Variants in GRIK1 observed in about 807,000 individuals in gnomAD.
GRIK1 encodes glutamate ionotropic receptor kainate type subunit 1, also known as glutamate receptor ionotropic, kainate 1.
In GRIK1, 69 loss-of-function variants were observed where a neutral mutation model predicts 105.7. The ratio of observed to expected loss-of-function variants is 0.65; its 90% CI spans 0.54 to 0.80. The LOEUF (loss-of-function observed/expected upper bound fraction) is 0.80, where lower values mean the gene tolerates loss of function less well. Among genes scored for constraint, GRIK1 ranks in the 30% least tolerant of loss-of-function variants. The probability of loss-of-function intolerance (pLI) is 0.00; values close to 1 mark genes in which losing one functional copy is unlikely to be tolerated. For missense variants in GRIK1, 1,109 were observed against 1,167.3 expected, an observed-to-expected ratio of 0.95 and a Z score of 0.73; for synonymous variants, 438 against 431.3, an observed-to-expected ratio of 1.02 and a Z score of -0.19.
At chr21:29,902,992 T>C (rs2070465863) in intron 1 of GRIK1, among the ~76,000 whole-genome samples, 1 of 152,064 alleles carries the variant, frequency 6.6e-6, no homozygotes, top group Non-Finnish European at 1.5e-5. Flanking sequence ...TATACAACCA[T>C]CTGATCTTTG....
chr21:29,693,993 G>A lies in GRIK1; in HGVS notation c.189C>T (p.Thr63=), dbSNP rs980994358. 6.2e-7 allele frequency: 1 copy of A among 1,610,680 alleles called. No homozygotes were observed. Among genetic ancestry groups the A allele is most frequent in the African/African-American group, 1.3e-5 (1 of 74,820 alleles). ...TCAGGGTTCGGTTTCTGTTAATGCT[G>A]GTGACTGCAAACTTGAAAGCTAATT... ...VEELAFKFAV[T]SINRNRTLMP... The change falls in exon 2 of 18, where the codon ACC becomes ACT. Residue 63 remains threonine, a synonymous_variant. Transcript: ENST00000327783.
At chr21:29,924,694 A>G (rs2071301316) in intron 1 of GRIK1, among the ~76,000 whole-genome samples, 1 of 152,042 alleles carries the variant, frequency 6.6e-6, no homozygotes, top group Admixed American at 6.5e-5. Context: ...GACTCTTGTC[A>G]TTATTTAAAA....
intron 1 of GRIK1, among the ~76,000 whole-genome samples, chr21:29,894,663 A>G (rs1391966407): frequency 6.6e-6 from 1 of 152,172 alleles, no homozygotes; most frequent in East Asian, 1.9e-4. Context: ...GACATTCAGT[A>G]TCAACCATCA....
chr21:29,814,510 G>A (rs916088947), intron 1 of GRIK1, among the ~76,000 whole-genome samples: 7 of 152,102 alleles, frequency 4.6e-5, no homozygotes, highest in South Asian at 2.1e-4. Flanking sequence ...TGGCAGCATC[G>A]TAGATCACAG....
chr21:29,918,491 G>T (rs57109019), intron 1 of GRIK1, among the ~76,000 whole-genome samples: 2 of 151,856 alleles, frequency 1.3e-5, no homozygotes, highest in Non-Finnish European at 2.9e-5. Flanking sequence ...TCATAATCAG[G>T]CTCTTGAATA....
intron 1 of GRIK1, among the ~76,000 whole-genome samples, chr21:29,745,077 T>C (rs2065017747): frequency 6.6e-6 from 1 of 152,162 alleles, no homozygotes; most frequent in Non-Finnish European, 1.5e-5. Flanking sequence ...ACTTCTGTGA[T>C]TTGATTATAG....
chr21:29,918,882 T>G (rs74790351), intron 1 of GRIK1, among the ~76,000 whole-genome samples: 1 of 152,026 alleles, frequency 6.6e-6, no homozygotes, highest in African/African-American at 2.4e-5. Flanking sequence ...AGGTCAGCAT[T>G]CTGGCAGAGA....
chr21:29,933,648 C>A (rs74868934), intron 1 of GRIK1, among the ~76,000 whole-genome samples: 1 of 152,018 alleles, frequency 6.6e-6, no homozygotes, highest in Non-Finnish European at 1.5e-5. Context: ...GAGTTATCTT[C>A]CTCAAGACTG....
At chr21:29,810,994 C>T (rs2066995515) in intron 1 of GRIK1, among the ~76,000 whole-genome samples, 1 of 152,090 alleles carries the variant, frequency 6.6e-6, no homozygotes. Flanking sequence ...TCATGTTCCC[C>T]CTGAGACTGA....
chr21:29,701,364 T>C (rs1199867842), intron 1 of GRIK1, among the ~76,000 whole-genome samples: 1 of 152,118 alleles, frequency 6.6e-6, no homozygotes, highest in Non-Finnish European at 1.5e-5. Context: ...AAAACCACTC[T>C]GAAGATACTG....
intron 1 of GRIK1, among the ~76,000 whole-genome samples, chr21:29,806,865 G>A (rs935475424): frequency 6.6e-6 from 1 of 152,116 alleles, no homozygotes; most frequent in Non-Finnish European, 1.5e-5. Context: ...TCTTAGTTAT[G>A]TCTATCCATA....
intron 1 of GRIK1, among the ~76,000 whole-genome samples, chr21:29,913,328 A>C (rs952170580): frequency 1.3e-5 from 2 of 152,106 alleles, no homozygotes. Flanking sequence ...TAACTCTGTA[A>C]AGCACTTGAC....
intron 7 of GRIK1, among the ~76,000 whole-genome samples, chr21:29,628,032 T>C (rs1166909983): frequency 6.6e-6 from 1 of 152,242 alleles, no homozygotes; most frequent in African/African-American, 2.4e-5. Context: ...GTATCTATTG[T>C]ATAAACATAG....
intron 1 of GRIK1, among the ~76,000 whole-genome samples, chr21:29,749,852 C>G (rs562325393): frequency 1.2e-4 from 18 of 152,206 alleles, no homozygotes; most frequent in Non-Finnish European, 2.2e-4. Flanking sequence ...TATAATAAAA[C>G]CTAGTCCGCA....
chr21:29,670,389 G>A (rs1312773379), intron 4 of GRIK1, among the ~76,000 whole-genome samples: 1 of 152,120 alleles, frequency 6.6e-6, no homozygotes. Context: ...TGCCATTCTT[G>A]GATATTTTGC....
chr21:29,566,985 A>G (rs924164754), intron 14 of GRIK1, among the ~76,000 whole-genome samples: 2 of 152,208 alleles, frequency 1.3e-5, no homozygotes, highest in Non-Finnish European at 2.9e-5. Flanking sequence ...GAAATAATCG[A>G]AACAAGTAGC....
rs188849206 is a variant in GRIK1, at chr21:29,577,248, G to A, written c.1913-67C>T. On this transcript the variant is annotated intron_variant, in intron 13 of 17. Coordinates refer to ENST00000327783, the MANE Select transcript of GRIK1 (RefSeq NM_001330994.2). ...GAAGGAAAGGGAAGATGTACAGTTC[G>A]ACACTATTCTAGGAAGATCAACCTG... 33 of 871,892 alleles carry A rather than the reference G, an allele frequency of 3.8e-5. 2 individuals carry two copies. In the African/African-American group the frequency reaches 4.3e-4, roughly 11 times the overall value. 54.0% of individuals were successfully genotyped at this position (871,892 alleles called of 1,614,324 possible). A position where few individuals can be genotyped will look rare whatever the true frequency, so the allele number is the denominator to read the frequency against.
At chr21:29,912,577 A>G (rs1234762759) in intron 1 of GRIK1, among the ~76,000 whole-genome samples, 3 of 152,120 alleles carry the variant, frequency 2.0e-5, no homozygotes, top group Non-Finnish European at 4.4e-5. Flanking sequence ...CAAAAGGTAT[A>G]TGGGAATTCA....
intron 1 of GRIK1, among the ~76,000 whole-genome samples, chr21:29,840,184 C>T (rs1434432158): frequency 1.3e-5 from 2 of 152,004 alleles, no homozygotes; most frequent in African/African-American, 4.8e-5. Flanking sequence ...GTTTTCATCC[C>T]AGTCTTATTT....
Sources: allele counts gnomAD v4.1 joint callset (sites outside exome capture counted in the v4.1 genomes callset), GRCh38; gene constraint gnomAD v4.1.1; transcripts MANE v1.5; gene names NCBI Gene and HGNC (gene_info 2026-07-23, HGNC 2026-07-21).